The following SRSF4 variants were observed in gnomAD, a reference collection of about 807,000 sequenced individuals.
The protein encoded by SRSF4 is serine and arginine rich splicing factor 4.
A neutral mutation model predicts 48.8 loss-of-function variants in SRSF4; 12 were observed. That is an observed-to-expected ratio of 0.25 (90% CI 0.16 to 0.40). SRSF4 has a LOEUF of 0.40. Ranked by LOEUF, SRSF4 falls within the 10% of genes least tolerant of loss-of-function variation. The probability of loss-of-function intolerance (pLI) is 1.00; values close to 1 mark genes in which losing one functional copy is unlikely to be tolerated. For synonymous variants in SRSF4, 248 were observed against 232.5 expected (o/e 1.07, Z -0.61); for missense variants, 466 against 667.1 (o/e 0.70, Z 3.32).
At chr1:29,154,952 G>A (rs749213424) in intron 3 of SRSF4, 42 bp from the exon 4 acceptor site, 4 of 1,553,912 alleles carry the variant, frequency 2.6e-6, no homozygotes, top group South Asian at 2.3e-5. Context: ...GATATGTTTT[G>A]CTAAAATATC....
intron 1 of SRSF4, among the ~76,000 whole-genome samples, chr1:29,160,766 T>C (rs906874837): frequency 1.3e-5 from 2 of 152,212 alleles, no homozygotes; most frequent in Admixed American, 6.5e-5. Context: ...CACAGGACAC[T>C]TCTTTTGTTT....
intron 1 of SRSF4, among the ~76,000 whole-genome samples, chr1:29,161,228 C>A (rs879423833): frequency 6.6e-6 from 1 of 152,160 alleles, no homozygotes; most frequent in Admixed American, 6.5e-5. Context: ...CACCATCCTA[C>A]TAATGCCTAT....
At chr1:29,179,909 A>T (rs1178868001) in intron 1 of SRSF4, among the ~76,000 whole-genome samples, 1 of 152,216 alleles carries the variant, frequency 6.6e-6, no homozygotes, top group African/African-American at 2.4e-5. Flanking sequence ...TTGGTTGATG[A>T]ATCAGTTTCC....
At chr1:29,177,467 G>A (rs1672887754) in intron 1 of SRSF4, among the ~76,000 whole-genome samples, 1 of 152,096 alleles carries the variant, frequency 6.6e-6, no homozygotes, top group African/African-American at 2.4e-5. Flanking sequence ...TTTTAGTAGA[G>A]ACAGGGGTTT....
At chr1:29,158,619 G>A (rs913528929) in intron 3 of SRSF4, among the ~76,000 whole-genome samples, 3 of 152,120 alleles carry the variant, frequency 2.0e-5, no homozygotes, top group African/African-American at 7.2e-5. Context: ...TTTAAGTAGA[G>A]ACAGGGTTTC....
At chr1:29,160,612 G>T in intron 1 of SRSF4, 95 bp from the exon 2 acceptor site, 1 of 1,404,140 alleles carries the variant, frequency 7.1e-7, no homozygotes, top group Non-Finnish European at 9.5e-7. Flanking sequence ...GCTTAGCAAA[G>T]GTTAGGTGGA....
chr1:29,166,807 C>A (rs1426501225), intron 1 of SRSF4: 1 of 152,252 alleles, frequency 6.6e-6, no homozygotes, highest in Non-Finnish European at 1.5e-5. Flanking sequence ...TTCACGTCGG[C>A]AAACTGGCAG....
chr1:29,156,635 G>A lies in SRSF4; in HGVS notation c.364-1725C>T, dbSNP rs533207739. Among the ~76,000 whole-genome samples the A allele has an allele frequency of 3.9e-5, 6 of 152,270 alleles. No homozygotes were observed. The South Asian group carries it at 1.0e-3, about 26-fold the overall frequency. ...ATTCTATTCAGGTTGGCCACCTTGA[G>A]AGCTAGGAAATCTGCTCAATTATCT... On this transcript the variant is annotated intron_variant, in intron 3 of 5. Transcript: ENST00000373795.
At chr1:29,181,486 G>C (rs1381256178) in intron 1 of SRSF4, among the ~76,000 whole-genome samples, 160 bp downstream of exon 1, 2 of 152,192 alleles carry the variant, frequency 1.3e-5, no homozygotes, top group Non-Finnish European at 2.9e-5. Flanking sequence ...AGTGGGAACC[G>C]GGGCCTACCC....
chr1:29,177,564 G>A (rs914525983), intron 1 of SRSF4, among the ~76,000 whole-genome samples: 2 of 152,172 alleles, frequency 1.3e-5, no homozygotes, highest in Non-Finnish European at 2.9e-5. Context: ...TTACAGGTGT[G>A]AGCCACCGTG....
At chr1:29,153,137 T>C (rs773695236) in intron 4 of SRSF4, among the ~76,000 whole-genome samples, 23 of 152,012 alleles carry the variant, frequency 1.5e-4, no homozygotes, top group Non-Finnish European at 2.9e-4. Context: ...AGGACCATAT[T>C]TGTCTTTTTT....
chr1:29,173,578 T>C (rs1268689342), intron 1 of SRSF4: 1 of 146,298 alleles, frequency 6.8e-6, no homozygotes, highest in East Asian at 2.1e-4. Context: ...GCCTCCTAAG[T>C]AGCTGGGATT....
Position 29,148,856 on chromosome 1 carries a change from G to A in SRSF4, c.1039C>T (p.Arg347Cys), listed in dbSNP as rs1258149928. ...TTCCTCTTGTCCTTGCTCTTGCTGC[G>A]GCTCCTGCTCCGGCTCCTGCTGCCC... ...KGGSRSRSRS[R>C]SKSKDKRKGR... is the part of the protein sequence containing the mutation. The change falls in exon 6 of 6, where the codon CGC becomes TGC. Residue 347 changes from arginine to cysteine, a missense_variant. By Grantham distance (180) the Arg-to-Cys change is radical (BLOSUM62 -3). Coordinates refer to ENST00000373795, the MANE Select transcript of SRSF4 (RefSeq NM_005626.5). 5.0e-6 allele frequency: 8 copies of A among 1,607,448 alleles called. No individual in the cohort carries two copies. The highest frequency in any genetic ancestry group is 2.2e-5 in the East Asian group (1 of 44,710).
intron 3 of SRSF4, among the ~76,000 whole-genome samples, chr1:29,156,935 C>T (rs1009674401): frequency 6.6e-5 from 10 of 152,148 alleles, no homozygotes; most frequent in Non-Finnish European, 1.0e-4. Flanking sequence ...ACATTCAGGA[C>T]GAAACGGTGA....
At chr1:29,166,588 A>C (rs1332484179) in intron 1 of SRSF4, 1 of 152,256 alleles carries the variant, frequency 6.6e-6, no homozygotes, top group Non-Finnish European at 1.5e-5. Flanking sequence ...CACAACTAAA[A>C]GCTGCTACCA....
rs540024867 is a variant in SRSF4 at position 29,181,857 on chromosome 1, G to C, written c.-105C>G. 2.1e-6 allele frequency: 2 copies of C among 965,258 alleles called. No homozygotes were observed. The highest frequency in any genetic ancestry group is 3.4e-5 in the East Asian group (1 of 29,424). 59.8% of individuals were successfully genotyped at this position (965,258 alleles called of 1,614,324 possible). A position where few individuals can be genotyped will look rare whatever the true frequency, so the allele number is the denominator to read the frequency against. On this transcript the variant is annotated 5_prime_UTR_variant, in exon 1 of 6. Transcript: ENST00000373795. Reference sequence around the variant, plus strand: ...CGGCGGCGGCGGCAACGGGCGGGCGGCGGGACGGACGCAGCCGAACCCCGG... The same window carrying C: ...CGGCGGCGGCGGCAACGGGCGGGCGCCGGGACGGACGCAGCCGAACCCCGG...
At chr1:29,155,640 C>T (rs938508748) in intron 3 of SRSF4, among the ~76,000 whole-genome samples, 12 of 151,978 alleles carry the variant, frequency 7.9e-5, no homozygotes, top group East Asian at 1.9e-4. Flanking sequence ...TGCAGGTCCG[C>T]GCCACCATAC....
rs188859349 is a variant in SRSF4, at chr1:29,181,190, G to A, written c.107+456C>T. 1.8e-3 allele frequency among the ~76,000 whole-genome samples: 271 copies of A among 152,354 alleles called. 1 individual carries two copies. The highest frequency in any genetic ancestry group is 6.1e-3 in the African/African-American group (253 of 41,576). On this transcript the variant is annotated intron_variant, in intron 1 of 5. Coordinates refer to ENST00000373795, the MANE Select transcript of SRSF4 (RefSeq NM_005626.5). ...AAGGCTCCAGTCCTCGGGGAAGACG[G>A]CGCTGTGACCGTCTGATCCATGAGA...
chr1:29,180,077 AT>A (rs1349457284), intron 1 of SRSF4, among the ~76,000 whole-genome samples: 6 of 152,192 alleles, frequency 3.9e-5, no homozygotes, highest in Middle Eastern at 3.2e-3. Context: ...AATGCTTTAC[AT>A]TTATTATCTC....
Sources: gnomAD v4.1 joint callset for allele counts (sites outside exome capture counted in the v4.1 genomes callset) on GRCh38, gnomAD v4.1.1 for gene constraint, MANE v1.5 for transcripts, NCBI Gene and HGNC (gene_info 2026-07-23, HGNC 2026-07-21) for gene names.